The following KCTD1 variants were observed in gnomAD, a reference collection of about 807,000 sequenced individuals.
KCTD1 encodes potassium channel tetramerization domain containing 1.
Under a neutral mutation model 66.0 loss-of-function variants are expected in KCTD1, and 24 were observed. That is an observed-to-expected ratio of 0.36 (90% confidence interval 0.26 to 0.51). The LOEUF (loss-of-function observed/expected upper bound fraction) is 0.51, where lower values mean the gene tolerates loss of function less well. Among genes scored for constraint, KCTD1 ranks in the 20% least tolerant of loss-of-function variants. KCTD1 has a pLI of 0.95. For missense variants in KCTD1, 943 were observed against 1,205.2 expected (o/e 0.78, Z 3.22); for synonymous variants, 511 against 517.2 (o/e 0.99, Z 0.16).
intron 1 of KCTD1, among the ~76,000 whole-genome samples, chr18:26,571,091 T>C (rs903377297): frequency 1.3e-5 from 2 of 152,228 alleles, no homozygotes; most frequent in African/African-American, 4.8e-5. Context: ...TTCTACGGAA[T>C]GTAAAAGCTT....
chr18:26,572,241 G>A (rs1374095670), intron 1 of KCTD1, among the ~76,000 whole-genome samples: 1 of 152,038 alleles, frequency 6.6e-6, no homozygotes, highest in African/African-American at 2.4e-5. Flanking sequence ...TGTATTTTTA[G>A]TAGAGACAGG....
intron 1 of KCTD1, among the ~76,000 whole-genome samples, chr18:26,571,792 C>G (rs1986113353): frequency 1.3e-5 from 2 of 152,034 alleles, no homozygotes; most frequent in South Asian, 4.2e-4. Flanking sequence ...TAACCCATTT[C>G]AAATAGCCAT....
intron 1 of KCTD1, among the ~76,000 whole-genome samples, chr18:26,589,240 A>G (rs935623562): frequency 6.6e-6 from 1 of 152,230 alleles, no homozygotes; most frequent in Non-Finnish European, 1.5e-5. Context: ...TCAGATTTTC[A>G]GTCTTGGACC....
chr18:26,599,478 C>G, intron 1 of KCTD1: 1 of 1,608,936 alleles, frequency 6.2e-7, no homozygotes, highest in Non-Finnish European at 8.5e-7. Context: ...AGTGGAGGCT[C>G]TGAAAGGTCT....
intron 1 of KCTD1, among the ~76,000 whole-genome samples, chr18:26,622,237 G>A (rs1987402360): frequency 6.6e-6 from 1 of 152,222 alleles, no homozygotes; most frequent in Non-Finnish European, 1.5e-5. Flanking sequence ...AAGAACTCAC[G>A]AGAGGAGCAG....
intron 3 of KCTD1, among the ~76,000 whole-genome samples, chr18:26,461,739 C>T (rs928366553): frequency 2.0e-5 from 3 of 152,220 alleles, no homozygotes; most frequent in Non-Finnish European, 2.9e-5. Context: ...GCAAGAGAAG[C>T]GAGAACTTAT....
chr18:26,551,133 C>G (rs1985552842), upstream of KCTD1, among the ~76,000 whole-genome samples: 1 of 152,212 alleles, frequency 6.6e-6, no homozygotes, highest in Non-Finnish European at 1.5e-5. Context: ...CTTTGAATTG[C>G]TCGCAGTTTG....
chr18:26,525,698 TATA>T (rs1984125897), intron 1 of KCTD1, among the ~76,000 whole-genome samples: 1 of 152,338 alleles, frequency 6.6e-6, no homozygotes, highest in South Asian at 2.1e-4. Context: ...TTTACTACTA[TATA>T]ATATTTCCTC....
At chr18:26,648,734 T>C (rs1987974486) in intron 1 of KCTD1, among the ~76,000 whole-genome samples, 1 of 152,330 alleles carries the variant, frequency 6.6e-6, no homozygotes, top group South Asian at 2.1e-4. Flanking sequence ...CAGCCGCACC[T>C]GGAGACTAAG....
upstream of KCTD1, among the ~76,000 whole-genome samples, chr18:26,642,424 A>G (rs546939689): frequency 3.9e-5 from 6 of 152,368 alleles, no homozygotes; most frequent in East Asian, 1.9e-4. Context: ...AATTAAAAAG[A>G]GAATACAAAA....
chr18:26,545,270 G>A (rs1985156325), intron 1 of KCTD1: 1 of 152,150 alleles, frequency 6.6e-6, no homozygotes, highest in African/African-American at 2.4e-5. Context: ...TGTATCAGAA[G>A]AATATGAACA....
intron 1 of KCTD1, among the ~76,000 whole-genome samples, chr18:26,502,198 C>T (rs577126008): frequency 2.0e-5 from 3 of 152,274 alleles, no homozygotes; most frequent in African/African-American, 4.8e-5. Context: ...TACAGGCGTC[C>T]GCCACCACGC....
At position 26,482,695 on chromosome 18, in the gene KCTD1, C is replaced by T. The variant is rs539615196; in HGVS notation, c.1989-6036G>A. ...ACCTCATGAACCAAGGCATGTAACT[C>T]GACACCAGGCCTGGCTTTACCGAGA... is the stretch of plus-strand genomic sequence containing the variant. On this transcript the variant is annotated intron_variant, in intron 2 of 4. Coordinates refer to ENST00000580059, the MANE Select transcript of KCTD1 (RefSeq NM_001142730.3). Among the ~76,000 whole-genome samples, 19 of 152,258 alleles carry T rather than the reference C, an allele frequency of 1.2e-4. No individual in the cohort carries two copies. In the South Asian group the frequency reaches 2.1e-3, roughly 17 times the overall value.
chr18:26,656,034 T>G (rs1988127554), intron 1 of KCTD1, among the ~76,000 whole-genome samples: 10 of 142,842 alleles, frequency 7.0e-5, no homozygotes, highest in Admixed American at 1.4e-4. Flanking sequence ...GTGGCGGGAG[T>G]GGGTAGGGGG....
At chr18:26,535,532 C>A (rs1424020807) in intron 1 of KCTD1, among the ~76,000 whole-genome samples, 1 of 151,382 alleles carries the variant, frequency 6.6e-6, no homozygotes. Flanking sequence ...CGGGTGTACA[C>A]TGACATTTGG....
intron 1 of KCTD1, among the ~76,000 whole-genome samples, chr18:26,610,586 A>C (rs756192428): frequency 6.8e-5 from 10 of 147,674 alleles, no homozygotes; most frequent in Non-Finnish European, 1.2e-4. Flanking sequence ...AGAGAGAGAG[A>C]GAGAAAGAAA....
chr18:26,549,650 G>A, upstream of KCTD1: 1 of 935,432 alleles, frequency 1.1e-6, no homozygotes, highest in Non-Finnish European at 1.3e-6. Context: ...CATCGGGCAG[G>A]CGGAAAAAGC....
In KCTD1 at chr18:26,461,962, C is replaced by CA. The variant is rs61685870; in HGVS notation, c.2134-2038dup. ...CGAAACCCCGTCTCTACTAAAAATA[C>CA]AAAAAATTAGCCGGGCATGGTGGCG... On this transcript the variant is annotated intron_variant, in intron 3 of 4. Coordinates refer to ENST00000580059, the MANE Select transcript of KCTD1 (RefSeq NM_001142730.3). Among the ~76,000 whole-genome samples the CA allele has an allele frequency of 7.7e-3, 1,176 of 152,220 alleles. 24 individuals carry two copies. Among genetic ancestry groups the CA allele is most frequent in the East Asian group, 0.056 (291 of 5,170 alleles).
intron 1 of KCTD1, among the ~76,000 whole-genome samples, chr18:26,563,789 G>C (rs1985917866): frequency 6.6e-6 from 1 of 152,192 alleles, no homozygotes. Flanking sequence ...TTAGAAGAGT[G>C]CCTGGCATAC....
Sources: gnomAD v4.1 joint callset for allele counts (sites outside exome capture counted in the v4.1 genomes callset) on GRCh38, gnomAD v4.1.1 for gene constraint, MANE v1.5 for transcripts, NCBI Gene and HGNC (gene_info 2026-07-23, HGNC 2026-07-21) for gene names.